Variants in PHLPP2 observed in about 807,000 individuals in gnomAD.
PHLPP2 encodes the protein PH domain leucine-rich repeat-containing protein phosphatase 2.
A neutral mutation model predicts 124.9 loss-of-function variants in PHLPP2; 66 were observed. That is an observed-to-expected ratio of 0.53 (90% CI 0.43 to 0.65). PHLPP2 has a LOEUF of 0.65. Among genes scored for constraint, PHLPP2 ranks in the 30% least tolerant of loss-of-function variants. The probability of loss-of-function intolerance (pLI) is 0.00; values close to 1 mark genes in which losing one functional copy is unlikely to be tolerated. For missense variants in PHLPP2, 1,685 were observed against 1,600.4 expected (o/e 1.05, Z -0.90); for synonymous variants, 681 against 624.7 (o/e 1.09, Z -1.34).
intron 13 of PHLPP2, among the ~76,000 whole-genome samples, chr16:71,660,090 A>C (rs1460660565): frequency 3.9e-5 from 6 of 152,040 alleles, no homozygotes; most frequent in African/African-American, 7.2e-5. Flanking sequence ...AAATAGAGAC[A>C]AACAGGAAAA....
intron 1 of PHLPP2, among the ~76,000 whole-genome samples, chr16:71,718,369 G>C (rs1423052855): frequency 6.6e-6 from 1 of 152,058 alleles, no homozygotes; most frequent in African/African-American, 2.4e-5. Context: ...CACAAGGTCA[G>C]GAGTTCGAGA....
rs745534097 is a variant in PHLPP2 at position 71,702,681 on chromosome 16, G to C, written c.335C>G (p.Ser112Cys). The change falls in exon 3 of 19, where the codon TCC becomes TGC. Residue 112 changes from serine to cysteine, a missense_variant. By Grantham distance (112) the Ser-to-Cys change is moderately radical (BLOSUM62 -1). Transcript: ENST00000568954. The part of the protein sequence containing the change: ...RPLQIVYDYL[S>C]RLGFDDPVRI... Reference sequence around the variant, plus strand: ...CACAGGATCATCAAATCCCAGCCTGGATAAGTAATCATAAACGATCTGAAG... The same window carrying C: ...CACAGGATCATCAAATCCCAGCCTGCATAAGTAATCATAAACGATCTGAAG... 1.9e-6 allele frequency: 3 copies of C among 1,610,650 alleles called. No individual in the cohort carries two copies. The highest frequency in any genetic ancestry group is 1.7e-6 in the Non-Finnish European group (2 of 1,178,310).
chr16:71,714,993 G>T, intron 1 of PHLPP2, 192 bp from the exon 2 acceptor site: 1 of 648,978 alleles, frequency 1.5e-6, no homozygotes, highest in Admixed American at 3.2e-5. Context: ...CTTTACTGCT[G>T]TCTGTGTTTC....
In PHLPP2 at chr16:71,658,315, C is replaced by A; in HGVS notation, c.2197G>T (p.Ala733Ser). Residue 733 changes from alanine to serine, a missense_variant, in exon 15 of 19, where the codon GCT becomes TCT. By Grantham distance (99) the Ala-to-Ser change is moderately conservative (BLOSUM62 1). Transcript: ENST00000568954. ...NDLTEILIPEALPATLQDLDL... is the reference protein window; with the variant it reads ...NDLTEILIPESLPATLQDLDL... ...AGGTCTTGTAATGTAGCAGGCAAAG[C>A]CTCTGGAATCAGGATTTCTGTCAAG... The A allele has an allele frequency of 1.2e-6, 2 of 1,613,732 alleles. No homozygotes were observed. Among genetic ancestry groups the A allele is most frequent in the Non-Finnish European group, 1.7e-6 (2 of 1,179,682 alleles).
intron 2 of PHLPP2, among the ~76,000 whole-genome samples, chr16:71,707,615 G>A (rs567648141): frequency 8.1e-4 from 124 of 152,320 alleles, no homozygotes; most frequent in Admixed American, 1.4e-3. Context: ...CTGAACACCA[G>A]TGGAGTTTCC....
chr16:71,661,067 CTTT>C (rs34708544), intron 13 of PHLPP2, among the ~76,000 whole-genome samples: 16 of 132,246 alleles, frequency 1.2e-4, no homozygotes, highest in Admixed American at 3.8e-4. Flanking sequence ...TTGTCTTTGT[CTTT>C]TTTTTTTTTT....
intron 3 of PHLPP2, among the ~76,000 whole-genome samples, chr16:71,692,864 T>C (rs1214192788): frequency 2.6e-5 from 4 of 152,214 alleles, no homozygotes; most frequent in Admixed American, 6.5e-5. Flanking sequence ...ATTGTGGATA[T>C]GGACGACTGA....
chr16:71,653,066 G>T, intron 17 of PHLPP2, 45 bp from the exon 18 acceptor site: 5 of 1,178,006 alleles, frequency 4.2e-6, no homozygotes, highest in Non-Finnish European at 6.2e-6. Flanking sequence ...GCTAGTTTTA[G>T]AAGAAAGTGG....
At chr16:71,672,000 C>A (rs915414416) in intron 10 of PHLPP2, among the ~76,000 whole-genome samples, 1 of 152,178 alleles carries the variant, frequency 6.6e-6, no homozygotes, top group Non-Finnish European at 1.5e-5. Flanking sequence ...TTGAAGATAA[C>A]AGGTCTTCCT....
intron 1 of PHLPP2, chr16:71,723,908 G>C: frequency 1.2e-6 from 1 of 827,082 alleles, no homozygotes. Context: ...CCCGCGCGAC[G>C]GCGTGCGGAG....
intron 2 of PHLPP2, among the ~76,000 whole-genome samples, chr16:71,704,372 CCAT>C (rs201119394): frequency 0.012 from 1,803 of 151,236 alleles, 8 homozygotes; most frequent in Non-Finnish European, 0.017. Context: ...GATGCATTTC[CCAT>C]CATGACAAAA....
In PHLPP2 at chr16:71,689,590, G is replaced by A. The variant is rs550580812; in HGVS notation, c.609+929C>T. Among the ~76,000 whole-genome samples the A allele has an allele frequency of 6.6e-5, 10 of 151,644 alleles. No homozygotes were observed. In the South Asian group the frequency reaches 1.9e-3, roughly 29 times the overall value. On this transcript the variant is annotated intron_variant, in intron 4 of 18. Coordinates refer to ENST00000568954, the MANE Select transcript of PHLPP2 (RefSeq NM_015020.3). ...TAAAATTATTTTTAGTAGAGACGGG[G>A]TTTCACTATGTTGGCCAGGCTGGTT...
chr16:71,648,600 T>G lies in PHLPP2; in HGVS notation c.*290A>C. On this transcript the variant is annotated 3_prime_UTR_variant, in exon 19 of 19. Coordinates refer to ENST00000568954, the MANE Select transcript of PHLPP2 (RefSeq NM_015020.3). ...GCCTGGCCAACATGGTGAAACCCCG[T>G]CTCTAAAAAAAAAAAATAAAACTTA... 7.0e-6 allele frequency: 2 copies of G among 283,986 alleles called. No individual in the cohort carries two copies. Among genetic ancestry groups the G allele is most frequent in the Non-Finnish European group, 1.2e-5 (2 of 170,384 alleles). The allele number at this position is 283,986 out of a possible 1,614,324, so 17.6% of individuals were successfully genotyped here.
At chr16:71,666,201 A>G (rs1385471612) in intron 12 of PHLPP2, 3 of 152,252 alleles carry the variant, frequency 2.0e-5, no homozygotes, top group Admixed American at 2.0e-4. Flanking sequence ...TATTAAAAAA[A>G]AAGAAAAGAA....
At chr16:71,706,274 G>C (rs989606461) in intron 2 of PHLPP2, among the ~76,000 whole-genome samples, 26 of 142,782 alleles carry the variant, frequency 1.8e-4, no homozygotes, top group African/African-American at 2.5e-4. Flanking sequence ...ACCAGCCAAC[G>C]GACATAGCAA....
rs779920332 is a variant in PHLPP2 at position 71,648,928 on chromosome 16, G to A, written c.3934C>T (p.Arg1312Trp). Residue 1312 changes from arginine (R) to tryptophan (W), a missense_variant, in exon 19 of 19, where the codon CGG becomes TGG. Physicochemically the swap from Arg to Trp is moderately radical, Grantham distance 101. Coordinates refer to ENST00000568954, the MANE Select transcript of PHLPP2 (RefSeq NM_015020.3). ...RLEPEPHEED[R>W]TEPPEEFDTA... is the part of the protein sequence containing the mutation. ...TCGAACTCCTCCGGGGGCTCGGTCC[G>A]ATCCTCTTCATGGGGCTCAGGCTCG... is the stretch of plus-strand genomic sequence containing the variant. The A allele has an allele frequency of 2.2e-5, 35 of 1,613,072 alleles. No individual in the cohort carries two copies. In the East Asian group the frequency reaches 5.6e-4, roughly 26 times the overall value.
intron 6 of PHLPP2, 70 bp downstream of exon 6, chr16:71,681,681 G>T: frequency 5.0e-6 from 6 of 1,200,636 alleles, no homozygotes; most frequent in Non-Finnish European, 6.9e-6. Flanking sequence ...ATGGTAGCAG[G>T]TAGAAGCCAT....
At position 71,679,434 on chromosome 16, in the gene PHLPP2, C is replaced by T; in HGVS notation, c.992G>A (p.Cys331Tyr). Residue 331 changes from cysteine to tyrosine, a missense_variant, in exon 7 of 19, where the codon TGT becomes TAT. Physicochemically the swap from Cys to Tyr is radical, Grantham distance 194 (BLOSUM62 -2). Coordinates refer to ENST00000568954, the MANE Select transcript of PHLPP2 (RefSeq NM_015020.3). ...ACTTGGTAGGTCATGAAATCCATTA[C>T]AGGAAAGGTTGAGCTCAGTCAGGGT... Reference protein sequence around the residue: ...ISTLTELNLSCNGFHDLPSQI... With the variant: ...ISTLTELNLSYNGFHDLPSQI... 1 of 1,613,858 alleles carries T rather than the reference C, an allele frequency of 6.2e-7. No individual in the cohort carries two copies. Among genetic ancestry groups the T allele is most frequent in the Non-Finnish European group, 8.5e-7 (1 of 1,179,822 alleles).
intron 1 of PHLPP2, chr16:71,723,833 A>C: frequency 8.0e-7 from 1 of 1,243,304 alleles, no homozygotes; most frequent in Non-Finnish European, 1.0e-6. Flanking sequence ...CGGGGGCTCC[A>C]GCGGGCCCGC....
Sources: gnomAD v4.1 joint callset for allele counts (sites outside exome capture counted in the v4.1 genomes callset) on GRCh38, gnomAD v4.1.1 for gene constraint, MANE v1.5 for transcripts, NCBI Gene and HGNC (gene_info 2026-07-23, HGNC 2026-07-21) for gene names.